The following PCED1B variants were observed in gnomAD, a reference collection of about 807,000 sequenced individuals.
The protein encoded by PCED1B is PC-esterase domain containing 1B, also known as PC-esterase domain-containing protein 1B.
For missense variants in PCED1B, 573 were observed against 573.9 expected (o/e 1.00, Z 0.02); for synonymous variants, 251 against 246.1 (o/e 1.02, Z -0.19).
chr12:47,154,510 T>C (rs1941122580), intron 2 of PCED1B, among the ~76,000 whole-genome samples: 2 of 152,108 alleles, frequency 1.3e-5, no homozygotes, highest in Admixed American at 1.3e-4. Context: ...AAATCTTAGT[T>C]GGTATCATAG....
chr12:47,225,002 G>A (rs952353884), intron 3 of PCED1B, among the ~76,000 whole-genome samples: 1 of 152,066 alleles, frequency 6.6e-6, no homozygotes, highest in Non-Finnish European at 1.5e-5. Flanking sequence ...CACAATCTTG[G>A]CTCACTGCAA....
At chr12:47,087,530 T>C (rs923221934) in intron 1 of PCED1B, among the ~76,000 whole-genome samples, 1 of 152,206 alleles carries the variant, frequency 6.6e-6, no homozygotes, top group Non-Finnish European at 1.5e-5. Flanking sequence ...AGCCGTGATA[T>C]GGTTGCTCTC....
At chr12:47,184,298 A>C (rs1036408587) in intron 2 of PCED1B, among the ~76,000 whole-genome samples, 9 of 152,186 alleles carry the variant, frequency 5.9e-5, no homozygotes, top group Non-Finnish European at 1.3e-4. Flanking sequence ...GGCTGGAGAC[A>C]GTGGTGTGCT....
chr12:47,221,155 C>A (rs214700), intron 3 of PCED1B, among the ~76,000 whole-genome samples: 114,581 of 151,994 alleles, frequency 0.75, 44,016 homozygotes, highest in African/African-American at 0.91. Context: ...ATCAAAGACA[C>A]ACTTTTTAAG....
At chr12:47,089,461 C>CATGTGTGTATATATATATATATAT (rs1233280547) in intron 1 of PCED1B, among the ~76,000 whole-genome samples, 2 of 63,396 alleles carry the variant, frequency 3.2e-5, no homozygotes, top group South Asian at 5.8e-4. Flanking sequence ...AAAAAAAATA[C>CATGTGTGTATATATATATATATAT]ATATATATAT....
intron 2 of PCED1B, among the ~76,000 whole-genome samples, chr12:47,107,527 C>T (rs1227600503): frequency 6.6e-6 from 1 of 152,198 alleles, no homozygotes; most frequent in Non-Finnish European, 1.5e-5. Context: ...TATAATGCAT[C>T]GAAGTTAGAG....
chr12:47,097,185 A>G (rs1938514281), intron 1 of PCED1B, among the ~76,000 whole-genome samples: 1 of 152,200 alleles, frequency 6.6e-6, no homozygotes, highest in African/African-American at 2.4e-5. Flanking sequence ...CTGAGGCCTA[A>G]TTTGATCTTC....
At chr12:47,204,600 A>C (rs1429979804) in intron 2 of PCED1B, among the ~76,000 whole-genome samples, 1 of 152,146 alleles carries the variant, frequency 6.6e-6, no homozygotes, top group African/African-American at 2.4e-5. Context: ...GGTCTCACTC[A>C]CAGATCTCTG....
At chr12:47,155,458 G>A (rs374281415) in intron 2 of PCED1B, among the ~76,000 whole-genome samples, 23 of 152,256 alleles carry the variant, frequency 1.5e-4, no homozygotes, top group East Asian at 7.7e-4. Context: ...ACTTTTTGCC[G>A]AAGCCATTTC....
chr12:47,082,798 C>T (rs1055311234), intron 1 of PCED1B, among the ~76,000 whole-genome samples: 1 of 151,970 alleles, frequency 6.6e-6, no homozygotes, highest in African/African-American at 2.4e-5. Flanking sequence ...AGAAGAGAGA[C>T]GTTTCTGCCA....
intron 2 of PCED1B, among the ~76,000 whole-genome samples, chr12:47,191,932 T>C (rs1942453469): frequency 1.3e-5 from 2 of 152,128 alleles, no homozygotes; most frequent in Admixed American, 1.3e-4. Context: ...AGATACTCTA[T>C]AGGAGCACCT....
At chr12:47,154,800 TGTG>T (rs1941137815) in intron 2 of PCED1B, among the ~76,000 whole-genome samples, 1 of 151,634 alleles carries the variant, frequency 6.6e-6, no homozygotes, top group African/African-American at 2.4e-5. Flanking sequence ...TGTGTGTGTG[TGTG>T]TGTGTGTGCA....
chr12:47,156,458 T>C (rs2137479439), intron 2 of PCED1B, among the ~76,000 whole-genome samples: 1 of 152,248 alleles, frequency 6.6e-6, no homozygotes, highest in African/African-American at 2.4e-5. Context: ...AAGGTTCCAG[T>C]CTTGCTCCCT....
At chr12:47,106,195 A>T (rs1047711948) in intron 2 of PCED1B, among the ~76,000 whole-genome samples, 1 of 151,888 alleles carries the variant, frequency 6.6e-6, no homozygotes, top group Admixed American at 6.6e-5. Context: ...CATTTTATTT[A>T]TTTATTTTTC....
intron 1 of PCED1B, among the ~76,000 whole-genome samples, chr12:47,094,230 C>T (rs1055524910): frequency 1.3e-5 from 2 of 152,048 alleles, no homozygotes; most frequent in Admixed American, 6.6e-5. Context: ...TTCACATTGT[C>T]TGATATTAGT....
intron 2 of PCED1B, among the ~76,000 whole-genome samples, chr12:47,136,819 A>T (rs1243502895): frequency 6.6e-6 from 1 of 152,216 alleles, no homozygotes; most frequent in Non-Finnish European, 1.5e-5. Flanking sequence ...ATATCTACAT[A>T]TACTAGAAGA....
At chr12:47,187,317 A>T (rs890158124) in intron 2 of PCED1B, among the ~76,000 whole-genome samples, 2 of 152,148 alleles carry the variant, frequency 1.3e-5, no homozygotes, top group Non-Finnish European at 2.9e-5. Context: ...ATGGGTGGTA[A>T]ATGTAGTGAA....
intron 2 of PCED1B, among the ~76,000 whole-genome samples, chr12:47,174,336 G>C (rs1481339665): frequency 6.6e-6 from 1 of 151,772 alleles, no homozygotes; most frequent in Non-Finnish European, 1.5e-5. Context: ...TTGAACCTGG[G>C]AGGTGGAGGT....
intron 3 of PCED1B, among the ~76,000 whole-genome samples, chr12:47,225,364 A>G (rs1943604254): frequency 6.6e-6 from 1 of 152,342 alleles, no homozygotes; most frequent in East Asian, 1.9e-4. Flanking sequence ...GGTGTTGTAT[A>G]GGTCACTGGA....
Sources: allele counts gnomAD v4.1 joint callset (sites outside exome capture counted in the v4.1 genomes callset), GRCh38; gene constraint gnomAD v4.1.1; transcripts MANE v1.5; gene names NCBI Gene and HGNC (gene_info 2026-07-23, HGNC 2026-07-21).